The following SAP30BP variants were observed in gnomAD, a reference collection of about 807,000 sequenced individuals.
SAP30BP encodes the protein SAP30-binding protein.
SAP30BP carries 31 observed loss-of-function variants against 46.3 expected under a neutral mutation model. The ratio of observed to expected loss-of-function variants is 0.67; its 90% CI spans 0.50 to 0.90. The LOEUF is 0.90. SAP30BP is among the 40% of genes least tolerant of loss of function. The pLI, the probability that SAP30BP is intolerant of heterozygous loss-of-function variation, is 0.00. For missense variants in SAP30BP, 312 were observed against 391.0 expected (o/e 0.80, Z 1.70); for synonymous variants, 169 against 144.2 (o/e 1.17, Z -1.23).
At chr17:75,704,878 G>A in intron 9 of SAP30BP, 64 bp downstream of exon 9, 1 of 1,319,244 alleles carries the variant, frequency 7.6e-7, no homozygotes, top group Non-Finnish European at 1.1e-6. Context: ...CCTGCTGGCT[G>A]AGCCCAGAAG....
At chr17:75,681,883 T>C (rs1239366013) in intron 3 of SAP30BP, among the ~76,000 whole-genome samples, 2 of 152,106 alleles carry the variant, frequency 1.3e-5, no homozygotes, top group Non-Finnish European at 2.9e-5. Context: ...GTATGTGATG[T>C]GGTATGAGAT....
intron 4 of SAP30BP, 58 bp from the exon 5 acceptor site, chr17:75,699,725 C>A: frequency 8.7e-7 from 1 of 1,149,964 alleles, no homozygotes; most frequent in Non-Finnish European, 1.3e-6. Context: ...TTTTTTTGTC[C>A]ATGTCTGTCC....
chr17:75,704,699 C>T, intron 8 of SAP30BP, 57 bp from the exon 9 acceptor site: 1 of 1,307,012 alleles, frequency 7.7e-7, no homozygotes, highest in Non-Finnish European at 1.1e-6. Context: ...GAGTAGGCTC[C>T]CTCAGCCCAG....
chr17:75,705,551 A>G (rs1229588515), intron 9 of SAP30BP: 4 of 934,278 alleles, frequency 4.3e-6, no homozygotes, highest in Non-Finnish European at 5.2e-6. Context: ...GGGGTTTCTC[A>G]TTCTTAACCC....
rs1171060865 is a variant in SAP30BP, at chr17:75,667,350, C to T, written c.-23C>T. 1 of 1,609,744 alleles carries T rather than the reference C, an allele frequency of 6.2e-7. No homozygotes were observed. Among genetic ancestry groups the T allele is most frequent in the Non-Finnish European group, 8.5e-7 (1 of 1,176,076 alleles). On this transcript the variant is annotated 5_prime_UTR_variant, in exon 1 of 11. Coordinates refer to ENST00000584667, the MANE Select transcript of SAP30BP (RefSeq NM_013260.8). ...GGCGTCTTGAGTCATAGGAGTGAGC[C>T]ACGCCCGGGCTGTGGGAATAAGATG...
At chr17:75,668,730 G>A (rs1181035822) in intron 2 of SAP30BP, 105 bp downstream of exon 2, 4 of 708,070 alleles carry the variant, frequency 5.6e-6, no homozygotes, top group Non-Finnish European at 9.5e-6. Context: ...TCCATCCCTT[G>A]CTCTCCCGTT....
At chr17:75,702,447 ACACCCCCC>A in intron 5 of SAP30BP, 25 bp from the exon 6 acceptor site, 1 of 1,017,360 alleles carries the variant, frequency 9.8e-7, no homozygotes, top group Non-Finnish European at 1.5e-6. Flanking sequence ...CTTCTGTCAT[ACACCCCCC>A]CACCCCCTCT....
chr17:75,682,369 G>A (rs1430562278), intron 3 of SAP30BP, among the ~76,000 whole-genome samples: 2 of 151,826 alleles, frequency 1.3e-5, no homozygotes, highest in Non-Finnish European at 1.5e-5. Context: ...TTTTTCAGTA[G>A]AGATGGGGTT....
At chr17:75,705,562 T>C (rs931365603) in intron 9 of SAP30BP, 13 of 973,450 alleles carry the variant, frequency 1.3e-5, no homozygotes, top group Non-Finnish European at 1.5e-5. Flanking sequence ...TTCTTAACCC[T>C]TGATTGAATC....
Position 75,707,142 on chromosome 17 carries a change from C to G in SAP30BP, c.*621C>G, listed in dbSNP as rs1018752796. The G allele has an allele frequency of 6.4e-6, 1 of 155,322 alleles. No individual in the cohort carries two copies. The highest frequency in any genetic ancestry group is 1.4e-5 in the Non-Finnish European group (1 of 70,020). The allele number at this position is 155,322 out of a possible 1,614,324, so 9.6% of individuals were successfully genotyped here. A position where few individuals can be genotyped will look rare whatever the true frequency, so the allele number is the denominator to read the frequency against. ...GAAGTCAAGCCAGTTTCCAGAAGGG[C>G]TGGGGTGAGATCCTGACCTGTGCAG... On this transcript the variant is annotated 3_prime_UTR_variant, in exon 11 of 11. Coordinates refer to ENST00000584667, the MANE Select transcript of SAP30BP (RefSeq NM_013260.8).
chr17:75,669,417 G>T (rs1416187028), intron 2 of SAP30BP, among the ~76,000 whole-genome samples: 2 of 151,916 alleles, frequency 1.3e-5, no homozygotes, highest in Non-Finnish European at 2.9e-5. Context: ...GCTAATTTTT[G>T]TATTTTTCAC....
chr17:75,685,682 C>T (rs73995965), intron 3 of SAP30BP, among the ~76,000 whole-genome samples: 117 of 152,270 alleles, frequency 7.7e-4, no homozygotes, highest in Middle Eastern at 3.4e-3. Context: ...CTCTTTTGTC[C>T]TTGTCTGTCT....
chr17:75,705,526 T>C (rs1175583318), intron 9 of SAP30BP: 3 of 724,548 alleles, frequency 4.1e-6, no homozygotes, highest in Non-Finnish European at 5.1e-6. Flanking sequence ...TGGGAGCTGG[T>C]GCAAGGGGAT....
intron 3 of SAP30BP, among the ~76,000 whole-genome samples, chr17:75,677,357 CCT>C (rs899769044): frequency 1.3e-5 from 2 of 151,822 alleles, no homozygotes. Context: ...CCCGCCTCAG[CCT>C]CCCAAAGTGC....
chr17:75,705,504 G>T (rs1159885003), intron 9 of SAP30BP: 3 of 485,372 alleles, frequency 6.2e-6, no homozygotes, highest in Non-Finnish European at 8.2e-6. Context: ...GCTGGCTGCT[G>T]GGCCAGGAAC....
At chr17:75,705,850 T>A (rs2060488483) in intron 9 of SAP30BP, 158 bp from the exon 10 acceptor site, 4 of 1,167,048 alleles carry the variant, frequency 3.4e-6, no homozygotes, top group Non-Finnish European at 3.6e-6. Context: ...GGGTTCTTCT[T>A]AGACATCTCG....
chr17:75,700,868 C>A (rs1454325393), intron 5 of SAP30BP, among the ~76,000 whole-genome samples: 1 of 152,230 alleles, frequency 6.6e-6, no homozygotes, highest in Non-Finnish European at 1.5e-5. Context: ...TTTAGACCCT[C>A]CTGATGGTGG....
chr17:75,704,242 T>G (rs2060460066), intron 8 of SAP30BP, among the ~76,000 whole-genome samples: 1 of 152,166 alleles, frequency 6.6e-6, no homozygotes, highest in Non-Finnish European at 1.5e-5. Context: ...CAGAATGTTC[T>G]GAGGCCAGTG....
At chr17:75,680,571 A>G (rs949103501) in intron 3 of SAP30BP, among the ~76,000 whole-genome samples, 1 of 152,194 alleles carries the variant, frequency 6.6e-6, no homozygotes, top group East Asian at 1.9e-4. Flanking sequence ...GAGAATGTAC[A>G]TGAAGGTGCT....
Sources: allele counts gnomAD v4.1 joint callset (sites outside exome capture counted in the v4.1 genomes callset), GRCh38; gene constraint gnomAD v4.1.1; transcripts MANE v1.5; gene names NCBI Gene and HGNC (gene_info 2026-07-23, HGNC 2026-07-21).